Variants in TTC23L observed in about 807,000 individuals in gnomAD.
TTC23L encodes tetratricopeptide repeat protein 23-like.
In TTC23L, 42 loss-of-function variants were observed where a neutral mutation model predicts 48.1. The observed-to-expected ratio is 0.87, with a 90% CI of 0.68 to 1.13. The LOEUF (loss-of-function observed/expected upper bound fraction) is 1.13. Among genes scored for constraint, TTC23L ranks in the 50% most tolerant of loss-of-function variants. The pLI, the probability that TTC23L is intolerant of heterozygous loss-of-function variation, is 0.00. For missense variants in TTC23L, 391 were observed against 421.0 expected (o/e 0.93, Z 0.62); for synonymous variants, 159 against 157.2 (o/e 1.01, Z -0.09).
At chr5:34,880,362 T>C in intron 9 of TTC23L, 54 bp downstream of exon 9, 1 of 1,528,022 alleles carries the variant, frequency 6.5e-7, no homozygotes. Context: ...TAGATCACAA[T>C]AGCATTTTTC....
chr5:34,924,306 T>C, the TTC23L span, among the ~76,000 whole-genome samples: 1 of 152,348 alleles, frequency 6.6e-6, no homozygotes, highest in East Asian at 1.9e-4. Flanking sequence ...GGCATGTGAG[T>C]TGAACACATC....
At chr5:34,878,114 A>T (rs1209878246) in intron 8 of TTC23L, among the ~76,000 whole-genome samples, 1 of 152,226 alleles carries the variant, frequency 6.6e-6, no homozygotes, top group Non-Finnish European at 1.5e-5. Flanking sequence ...TACCATTTAC[A>T]TTAGCACTCC....
chr5:34,919,512 C>T, the TTC23L span, among the ~76,000 whole-genome samples: 8 of 152,116 alleles, frequency 5.3e-5, no homozygotes, highest in African/African-American at 1.9e-4. Context: ...TTCATTGAAA[C>T]TGGTTTCCTT....
chr5:34,898,200 G>A (rs1472872235), intron 10 of TTC23L, among the ~76,000 whole-genome samples: 1 of 152,320 alleles, frequency 6.6e-6, no homozygotes, highest in East Asian at 1.9e-4. Flanking sequence ...GCTGGTCTTT[G>A]ACTTTATTAC....
the TTC23L span, among the ~76,000 whole-genome samples, chr5:34,910,256 TGA>T: frequency 6.6e-6 from 1 of 152,154 alleles, no homozygotes; most frequent in Non-Finnish European, 1.5e-5. Context: ...TTACCCAGGC[TGA>T]GAGAGATCAC....
At chr5:34,920,011 T>G in the TTC23L span, 3 of 497,292 alleles carry the variant, frequency 6.0e-6, no homozygotes, top group Non-Finnish European at 7.3e-6. Flanking sequence ...TTATTAACTC[T>G]TCAATAACTG....
At chr5:34,841,041 C>CA (rs1024250209) in intron 2 of TTC23L, among the ~76,000 whole-genome samples, 13 of 148,242 alleles carry the variant, frequency 8.8e-5, no homozygotes, top group South Asian at 6.4e-4. Flanking sequence ...GACCCTGTCT[C>CA]AAAAAAAAAT....
chr5:34,917,082 A>C, the TTC23L span, among the ~76,000 whole-genome samples: 121 of 152,300 alleles, frequency 7.9e-4, no homozygotes, highest in African/African-American at 2.8e-3. Flanking sequence ...CGTAAGCTGC[A>C]TATCAGAGGA....
intron 4 of TTC23L, among the ~76,000 whole-genome samples, chr5:34,855,070 A>G (rs1355259530): frequency 6.6e-6 from 1 of 152,192 alleles, no homozygotes; most frequent in Non-Finnish European, 1.5e-5. Flanking sequence ...GCCAAGGCAT[A>G]AGGAAGGAAA....
the TTC23L span, among the ~76,000 whole-genome samples, chr5:34,917,056 C>T: frequency 6.6e-6 from 1 of 151,676 alleles, no homozygotes; most frequent in Non-Finnish European, 1.5e-5. Flanking sequence ...GATAAAGAAT[C>T]ATGAAGGATT....
intron 8 of TTC23L, among the ~76,000 whole-genome samples, chr5:34,870,716 T>C (rs1761391892): frequency 1.3e-5 from 2 of 152,182 alleles, no homozygotes; most frequent in Admixed American, 1.3e-4. Context: ...TATAGCAATA[T>C]ATAAATAACA....
the TTC23L span, chr5:34,925,403 G>C: frequency 7.8e-4 from 1,265 of 1,613,850 alleles, 2 homozygotes; most frequent in Non-Finnish European, 9.7e-4. Context: ...GGTAAAACCA[G>C]AGCCAAAAGT....
chr5:34,892,876 G>A (rs1467915248), intron 9 of TTC23L, among the ~76,000 whole-genome samples: 1 of 152,178 alleles, frequency 6.6e-6, no homozygotes, highest in Non-Finnish European at 1.5e-5. Context: ...GTGAGATTAT[G>A]GAATTTTTAT....
intron 9 of TTC23L, among the ~76,000 whole-genome samples, chr5:34,893,608 T>C (rs1763015183): frequency 6.6e-6 from 1 of 152,226 alleles, no homozygotes; most frequent in Non-Finnish European, 1.5e-5. Context: ...AGGCTTACTT[T>C]CTTCATCTGT....
At chr5:34,922,719 T>C in the TTC23L span, 1 of 1,614,108 alleles carries the variant, frequency 6.2e-7, no homozygotes, top group Non-Finnish European at 8.5e-7. Context: ...GAACTGAAGA[T>C]GACTGGAAAC....
At chr5:34,915,653 C>T in the TTC23L span, 1 of 1,450,934 alleles carries the variant, frequency 6.9e-7, no homozygotes, top group African/African-American at 1.4e-5. Context: ...GAGCTGAGCG[C>T]TTAGAGCCGC....
downstream of TTC23L, among the ~76,000 whole-genome samples, chr5:34,903,067 C>G (rs1763547838): frequency 6.6e-6 from 1 of 151,862 alleles, no homozygotes; most frequent in Admixed American, 6.6e-5. Context: ...GATCTCCAAA[C>G]TGACAAACCT....
At chr5:34,873,128 A>C (rs939697610) in intron 8 of TTC23L, among the ~76,000 whole-genome samples, 1 of 152,204 alleles carries the variant, frequency 6.6e-6, no homozygotes, top group South Asian at 2.1e-4. Flanking sequence ...TAATTTTTTA[A>C]AAGTATTAAG....
intron 10 of TTC23L, 73 bp downstream of exon 10, chr5:34,896,948 A>C: frequency 1.7e-6 from 1 of 604,238 alleles, no homozygotes; most frequent in Non-Finnish European, 3.0e-6. Context: ...ATTCCAAGGG[A>C]TGTGTGCCAG....
Sources: gnomAD v4.1 joint callset for allele counts (sites outside exome capture counted in the v4.1 genomes callset) on GRCh38, gnomAD v4.1.1 for gene constraint, MANE v1.5 for transcripts, NCBI Gene and HGNC (gene_info 2026-07-23, HGNC 2026-07-21) for gene names.